Variants in CSMD1 observed in about 807,000 individuals in gnomAD.
CSMD1 encodes the protein CUB and sushi domain-containing protein 1.
CSMD1 carries 213 observed loss-of-function variants against 417.5 expected under a neutral mutation model. The observed-to-expected ratio is 0.51, with a 90% CI of 0.46 to 0.57. CSMD1 has a LOEUF of 0.57. Ranked by LOEUF, CSMD1 falls within the 20% of genes least tolerant of loss-of-function variation. The pLI, the probability that CSMD1 is intolerant of heterozygous loss-of-function variation, is 0.00. For missense variants in CSMD1, 6,923 were observed against 4,529.7 expected (o/e 1.53, Z -15.17); for synonymous variants, 2,862 against 1,736.8 (o/e 1.65, Z -16.11).
intron 23 of CSMD1, among the ~76,000 whole-genome samples, chr8:3,338,664 G>C (rs7827406): frequency 0.37 from 56,753 of 151,900 alleles, 12,329 homozygotes; most frequent in African/African-American, 0.6. Context: ...GGGCTGGCCA[G>C]TGCACTTCTG....
chr8:3,181,967 A>G (rs934530813), intron 36 of CSMD1, among the ~76,000 whole-genome samples: 2 of 152,180 alleles, frequency 1.3e-5, no homozygotes, highest in African/African-American at 4.8e-5. Context: ...ATAATAGACA[A>G]GTTTAAGTCA....
chr8:3,972,821 T>C (rs1412327652), intron 5 of CSMD1, among the ~76,000 whole-genome samples: 1 of 152,192 alleles, frequency 6.6e-6, no homozygotes, highest in South Asian at 2.1e-4. Context: ...TTTTGGATAT[T>C]CACACATATC....
intron 2 of CSMD1, among the ~76,000 whole-genome samples, chr8:4,563,069 T>C (rs1169653134): frequency 6.6e-6 from 1 of 152,020 alleles, no homozygotes; most frequent in African/African-American, 2.4e-5. Context: ...ATTTGGGAGA[T>C]TTCTCATATG....
chr8:4,417,596 T>C (rs879399736), intron 3 of CSMD1, among the ~76,000 whole-genome samples: 2 of 152,072 alleles, frequency 1.3e-5, no homozygotes, highest in Admixed American at 1.3e-4. Flanking sequence ...TCTTGGATTA[T>C]ACATCAGTAT....
At chr8:4,367,081 G>T (rs182899402) in intron 3 of CSMD1, among the ~76,000 whole-genome samples, 2 of 151,936 alleles carry the variant, frequency 1.3e-5, no homozygotes, top group South Asian at 2.1e-4. Flanking sequence ...TATTTTTATT[G>T]CAATTGCTTT....
intron 19 of CSMD1, 49 bp downstream of exon 19, chr8:3,369,205 C>A: frequency 1.1e-6 from 1 of 896,104 alleles, no homozygotes. Context: ...TCCCGTTTTT[C>A]TGTCTCATTT....
chr8:4,871,164 G>C (rs1717007806), intron 1 of CSMD1, among the ~76,000 whole-genome samples: 1 of 152,122 alleles, frequency 6.6e-6, no homozygotes, highest in Non-Finnish European at 1.5e-5. Flanking sequence ...CAAATAAGTA[G>C]CATGGGATTC....
chr8:3,117,275 G>C (rs1422797891), intron 42 of CSMD1, among the ~76,000 whole-genome samples: 1 of 152,084 alleles, frequency 6.6e-6, no homozygotes, highest in South Asian at 2.1e-4. Flanking sequence ...GTTTCACCGT[G>C]TTAGCCAGGA....
chr8:4,778,928 C>A (rs954458880), intron 1 of CSMD1, among the ~76,000 whole-genome samples: 1 of 152,118 alleles, frequency 6.6e-6, no homozygotes, highest in African/African-American at 2.4e-5. Context: ...AAGCAACCTG[C>A]TTATCCTGTG....
chr8:3,963,754 A>G (rs189530814), intron 5 of CSMD1, among the ~76,000 whole-genome samples: 71 of 152,312 alleles, frequency 4.7e-4, no homozygotes, highest in African/African-American at 1.6e-3. Context: ...TATGAATATC[A>G]CAATAGTATA....
rs111995625 is a variant in CSMD1, at chr8:4,883,113, A to G, written c.85+111219T>C. Among the ~76,000 whole-genome samples the G allele has an allele frequency of 1.8e-4, 27 of 152,248 alleles. 1 individual carries two copies. Among genetic ancestry groups the G allele is most frequent in the African/African-American group, 6.3e-4 (26 of 41,502 alleles). Reference sequence around the variant, plus strand: ...GAGTCCTCTACAAGATTTTATAGTAAGGTGGAAAGGAAATTTAAGAATTCA... The same window carrying G: ...GAGTCCTCTACAAGATTTTATAGTAGGGTGGAAAGGAAATTTAAGAATTCA... On this transcript the variant is annotated intron_variant, in intron 1 of 69. Coordinates refer to ENST00000635120, the MANE Select transcript of CSMD1 (RefSeq NM_033225.6).
chr8:4,520,549 C>G (rs73660891), intron 2 of CSMD1, among the ~76,000 whole-genome samples: 2 of 152,036 alleles, frequency 1.3e-5, no homozygotes, highest in African/African-American at 4.8e-5. Context: ...CAGAAAACCT[C>G]CCCATTTTTA....
chr8:4,129,616 C>G (rs1305100893), intron 3 of CSMD1, among the ~76,000 whole-genome samples: 1 of 152,044 alleles, frequency 6.6e-6, no homozygotes, highest in Non-Finnish European at 1.5e-5. Context: ...CCTACTCTGA[C>G]TTGTTTCCTC....
At chr8:3,992,012 C>T (rs1489034033) in intron 5 of CSMD1, among the ~76,000 whole-genome samples, 7 of 151,924 alleles carry the variant, frequency 4.6e-5, no homozygotes, top group African/African-American at 1.5e-4. Context: ...ATAGAAATGG[C>T]ATTTTAATTA....
chr8:3,484,507 C>A (rs896070783), intron 11 of CSMD1, among the ~76,000 whole-genome samples: 2 of 152,172 alleles, frequency 1.3e-5, no homozygotes, highest in African/African-American at 4.8e-5. Flanking sequence ...TAGAAGGACT[C>A]CTCTGTAAAG....
Position 4,982,042 on chromosome 8 carries a change from G to A in CSMD1, c.85+12290C>T, listed in dbSNP as rs1394953696. Among the ~76,000 whole-genome samples the A allele has an allele frequency of 2.0e-5, 3 of 152,278 alleles. No homozygotes were observed. In the East Asian group the frequency reaches 5.8e-4, roughly 29 times the overall value. ...CTCATTCCTACAACTGCAAGGAACT[G>A]AATTCTGCCAGCTGCCCAACTATCT... On this transcript the variant is annotated intron_variant, in intron 1 of 69. Coordinates refer to ENST00000635120, the MANE Select transcript of CSMD1 (RefSeq NM_033225.6).
intron 2 of CSMD1, among the ~76,000 whole-genome samples, chr8:4,453,077 C>A (rs5000536): frequency 1.3e-4 from 20 of 152,084 alleles, no homozygotes; most frequent in African/African-American, 3.6e-4. Context: ...TGGTGATAAG[C>A]TCTCCTGGGG....
At chr8:3,163,737 C>T (rs1361522665) in intron 37 of CSMD1, among the ~76,000 whole-genome samples, 2 of 152,124 alleles carry the variant, frequency 1.3e-5, no homozygotes, top group Admixed American at 6.5e-5. Flanking sequence ...AGCTGTGGGT[C>T]GAAGCTACAG....
chr8:4,829,589 C>A lies in CSMD1; in HGVS notation c.85+164743G>T, dbSNP rs113689454. Among the ~76,000 whole-genome samples the A allele has an allele frequency of 3.2e-3, 485 of 152,016 alleles. 6 individuals are homozygous for A. Among genetic ancestry groups the A allele is most frequent in the African/African-American group, 0.011 (458 of 41,468 alleles). ...ACCTCATCTTTATAGAAAATTTACA[C>A]AATTAGCTGGGCACAGTGGTCATGC... is the stretch of plus-strand genomic sequence containing the variant. On this transcript the variant is annotated intron_variant, in intron 1 of 69. Transcript: ENST00000635120.
Sources: gnomAD v4.1 joint callset for allele counts (sites outside exome capture counted in the v4.1 genomes callset) on GRCh38, gnomAD v4.1.1 for gene constraint, MANE v1.5 for transcripts, NCBI Gene and HGNC (gene_info 2026-07-23, HGNC 2026-07-21) for gene names.